CSMD1: variants seen among roughly 807,000 people sequenced by gnomAD.
CSMD1 encodes the protein CUB and sushi domain-containing protein 1.
CSMD1 carries 213 observed loss-of-function variants against 417.5 expected under a neutral mutation model. The observed-to-expected ratio is 0.51, with a 90% CI of 0.46 to 0.57. The LOEUF (loss-of-function observed/expected upper bound fraction) is 0.57. Ranked by LOEUF, CSMD1 falls within the 20% of genes least tolerant of loss-of-function variation. The pLI, the probability that CSMD1 is intolerant of heterozygous loss-of-function variation, is 0.00. For missense variants in CSMD1, 6,923 were observed against 4,529.7 expected (o/e 1.53, Z -15.17); for synonymous variants, 2,862 against 1,736.8 (o/e 1.65, Z -16.11).
chr8:3,398,275 T>C (rs1811822299), intron 16 of CSMD1, among the ~76,000 whole-genome samples: 1 of 152,224 alleles, frequency 6.6e-6, no homozygotes, highest in African/African-American at 2.4e-5. Flanking sequence ...ATCAACTGAA[T>C]ACTTACAGAG....
At chr8:4,926,240 G>A (rs1806862063) in intron 1 of CSMD1, among the ~76,000 whole-genome samples, 1 of 152,018 alleles carries the variant, frequency 6.6e-6, no homozygotes, top group African/African-American at 2.4e-5. Flanking sequence ...TTTTTCTTGT[G>A]GACACAATGA....
At chr8:4,832,759 A>T (rs1294028653) in intron 1 of CSMD1, among the ~76,000 whole-genome samples, 3 of 152,134 alleles carry the variant, frequency 2.0e-5, no homozygotes, top group Admixed American at 1.3e-4. Flanking sequence ...GATTGGATCA[A>T]CTCTTAGAAC....
At chr8:3,062,632 G>A (rs1167554764) in intron 49 of CSMD1, among the ~76,000 whole-genome samples, 1 of 150,996 alleles carries the variant, frequency 6.6e-6, no homozygotes. Context: ...ATCTTTAGAT[G>A]TTCTAATCCT....
At chr8:3,009,768 C>T (rs1036495462) in intron 52 of CSMD1, among the ~76,000 whole-genome samples, 8 of 151,652 alleles carry the variant, frequency 5.3e-5, no homozygotes, top group Non-Finnish European at 8.8e-5. Flanking sequence ...AGGTATTGGG[C>T]TTGCAGAGCA....
At chr8:4,084,910 A>G (rs958606566) in intron 3 of CSMD1, among the ~76,000 whole-genome samples, 1 of 151,960 alleles carries the variant, frequency 6.6e-6, no homozygotes, top group East Asian at 1.9e-4. Context: ...AAAAACAAAA[A>G]CAAAAACAAA....
At chr8:4,007,650 C>G (rs182055891) in intron 4 of CSMD1, among the ~76,000 whole-genome samples, 2 of 152,062 alleles carry the variant, frequency 1.3e-5, no homozygotes, top group African/African-American at 4.8e-5. Context: ...TCCTAGGAGG[C>G]GGCCTGATAG....
chr8:4,169,932 A>C (rs1486054733), intron 3 of CSMD1, among the ~76,000 whole-genome samples: 2 of 149,820 alleles, frequency 1.3e-5, no homozygotes, highest in African/African-American at 5.1e-5. Context: ...CGTAACTCAG[A>C]AGAGATTTTG....
chr8:4,189,688 G>A (rs1037312987), intron 3 of CSMD1, among the ~76,000 whole-genome samples: 1 of 152,126 alleles, frequency 6.6e-6, no homozygotes, highest in East Asian at 1.9e-4. Context: ...TGAACGGAAA[G>A]AGTGTTGAGA....
At chr8:4,320,952 C>G (rs1034282753) in intron 3 of CSMD1, among the ~76,000 whole-genome samples, 1 of 152,140 alleles carries the variant, frequency 6.6e-6, no homozygotes, top group African/African-American at 2.4e-5. Flanking sequence ...GAGGTCCTAG[C>G]CACTCTGCCA....
chr8:3,562,462 T>C (rs550555301), intron 10 of CSMD1, among the ~76,000 whole-genome samples: 146 of 100,320 alleles, frequency 1.5e-3, no homozygotes, highest in Middle Eastern at 6.5e-3. Flanking sequence ...TCACAGCATA[T>C]ATATGCACAC....
intron 1 of CSMD1, among the ~76,000 whole-genome samples, chr8:4,986,284 T>A (rs1811174756): frequency 6.6e-6 from 1 of 152,158 alleles, no homozygotes; most frequent in Non-Finnish European, 1.5e-5. Context: ...GAGGTGTAAT[T>A]TTATAGAAAA....
intron 5 of CSMD1, among the ~76,000 whole-genome samples, chr8:3,835,553 C>T (rs544747627): frequency 2.0e-5 from 3 of 152,066 alleles, no homozygotes; most frequent in East Asian, 1.9e-4. Context: ...GAACATCGCA[C>T]CTCAGGGACT....
At chr8:3,284,904 A>G (rs1421384312) in intron 25 of CSMD1, among the ~76,000 whole-genome samples, 1 of 152,202 alleles carries the variant, frequency 6.6e-6, no homozygotes, top group East Asian at 1.9e-4. Context: ...TACCAACAGA[A>G]AGGCAAAAAT....
chr8:4,878,102 C>T (rs1054543947), intron 1 of CSMD1, among the ~76,000 whole-genome samples: 10 of 152,040 alleles, frequency 6.6e-5, no homozygotes, highest in African/African-American at 2.4e-4. Flanking sequence ...TGACCAGTAA[C>T]CCTCAGCGTG....
intron 1 of CSMD1, among the ~76,000 whole-genome samples, chr8:4,706,356 T>C (rs935882892): frequency 1.3e-5 from 2 of 152,184 alleles, no homozygotes; most frequent in Non-Finnish European, 2.9e-5. Flanking sequence ...CAAATTATTA[T>C]ACTCCATACT....
chr8:3,475,806 T>C (rs1817372627), intron 11 of CSMD1, among the ~76,000 whole-genome samples: 1 of 152,248 alleles, frequency 6.6e-6, no homozygotes, highest in Admixed American at 6.5e-5. Context: ...TATTTGTTCC[T>C]GCCTTACAAC....
At chr8:4,394,647 G>C (rs78590705) in intron 3 of CSMD1, among the ~76,000 whole-genome samples, 21 of 148,594 alleles carry the variant, frequency 1.4e-4, no homozygotes. Context: ...TGTGATAGTA[G>C]TAGAATTTCT....
At chr8:4,253,051 T>C (rs1209082045) in intron 3 of CSMD1, among the ~76,000 whole-genome samples, 1 of 152,232 alleles carries the variant, frequency 6.6e-6, no homozygotes, top group Non-Finnish European at 1.5e-5. Context: ...TGCCAACGTC[T>C]TACGATGAGA....
At chr8:4,775,237 T>G (rs753719365) in intron 1 of CSMD1, among the ~76,000 whole-genome samples, 1 of 152,058 alleles carries the variant, frequency 6.6e-6, no homozygotes, top group Non-Finnish European at 1.5e-5. Flanking sequence ...ATAGGAAAAA[T>G]AGAGCTTGAG....
Sources: gnomAD v4.1 joint callset for allele counts (sites outside exome capture counted in the v4.1 genomes callset) on GRCh38, gnomAD v4.1.1 for gene constraint, MANE v1.5 for transcripts, NCBI Gene and HGNC (gene_info 2026-07-23, HGNC 2026-07-21) for gene names.